The following CFAP61 variants were observed in gnomAD, a reference collection of about 807,000 sequenced individuals.
CFAP61 encodes the protein cilia- and flagella-associated protein 61.
In CFAP61, 107 loss-of-function variants were observed where a neutral mutation model predicts 135.6. The observed-to-expected ratio is 0.79, with a 90% CI of 0.67 to 0.93. The LOEUF is 0.93. CFAP61 is among the 40% of genes least tolerant of loss of function. The pLI is 0.00. For missense variants in CFAP61, 1,507 were observed against 1,556.2 expected, an observed-to-expected ratio of 0.97 and a Z score of 0.53; for synonymous variants, 575 against 578.5, an observed-to-expected ratio of 0.99 and a Z score of 0.09.
At chr20:20,190,589 C>T (rs1317209887) in intron 14 of CFAP61, among the ~76,000 whole-genome samples, 2 of 152,086 alleles carry the variant, frequency 1.3e-5, no homozygotes, top group South Asian at 4.1e-4. Flanking sequence ...ATACACCACA[C>T]ACACACACAC....
chr20:20,233,072 A>G (rs957770292), intron 18 of CFAP61: 4 of 152,272 alleles, frequency 2.6e-5, no homozygotes, highest in Admixed American at 1.3e-4. Flanking sequence ...TGGACCAAGC[A>G]GGGCATGTTT....
At chr20:20,269,160 C>CATATACATATATGTATAT (rs1385505756) in intron 21 of CFAP61, among the ~76,000 whole-genome samples, 2 of 102,328 alleles carry the variant, frequency 2.0e-5, no homozygotes. Flanking sequence ...CACACACACA[C>CATATACATATATGTATAT]ACACATACAT....
intron 18 of CFAP61, 38 bp downstream of exon 18, chr20:20,228,414 A>G: frequency 6.4e-7 from 1 of 1,551,388 alleles, no homozygotes; most frequent in Non-Finnish European, 8.9e-7. Flanking sequence ...TGGTTTTTAA[A>G]TAATAAAAAT....
chr20:20,060,461 T>C (rs1490803950), intron 2 of CFAP61, among the ~76,000 whole-genome samples: 1 of 152,194 alleles, frequency 6.6e-6, no homozygotes, highest in Non-Finnish European at 1.5e-5. Context: ...ACAATAATAT[T>C]GATAATGACT....
At chr20:20,272,930 C>T (rs1233326834) in intron 21 of CFAP61, among the ~76,000 whole-genome samples, 6 of 152,108 alleles carry the variant, frequency 3.9e-5, no homozygotes, top group Non-Finnish European at 7.3e-5. Flanking sequence ...TCCAACGTCA[C>T]GTTTACATCT....
At chr20:20,356,109 G>T in intron 26 of CFAP61, among the ~76,000 whole-genome samples, 1 of 15,516 alleles carries the variant, frequency 6.4e-5, no homozygotes, top group East Asian at 0.022. Flanking sequence ...AGGGGAGGTG[G>T]TCACACTGAG....
intron 22 of CFAP61, among the ~76,000 whole-genome samples, chr20:20,282,615 T>C (rs1392497973): frequency 1.3e-5 from 2 of 152,206 alleles, no homozygotes; most frequent in Non-Finnish European, 2.9e-5. Context: ...TGATTTCTAG[T>C]GTAATGCTGT....
chr20:20,058,837 A>C (rs557679373), intron 2 of CFAP61, among the ~76,000 whole-genome samples: 30 of 152,332 alleles, frequency 2.0e-4, no homozygotes, highest in Admixed American at 4.6e-4. Context: ...GACTCCAAAT[A>C]ATAACCCCAG....
intron 17 of CFAP61, among the ~76,000 whole-genome samples, chr20:20,204,658 G>T (rs2056781869): frequency 6.6e-6 from 1 of 152,156 alleles, no homozygotes; most frequent in African/African-American, 2.4e-5. Context: ...CACCGCCAGT[G>T]GTTAGACTTC....
intron 8 of CFAP61, among the ~76,000 whole-genome samples, chr20:20,107,986 A>G (rs1273074020): frequency 6.6e-6 from 1 of 152,206 alleles, no homozygotes; most frequent in Non-Finnish European, 1.5e-5. Flanking sequence ...TAAAGAGAAA[A>G]GCAAATCACA....
Position 20,108,471 on chromosome 20 carries a change from TAAG to T in CFAP61, c.859+9664_859+9666del, listed in dbSNP as rs373303117. On this transcript the variant is annotated intron_variant, in intron 8 of 26. Transcript: ENST00000245957. ...CCTTAGATAGATATGCAGAAGCCTTTAAGAAGAAGGTTACAAATAGTGAGGGGA... is the reference window on the plus strand; with the variant it reads ...CCTTAGATAGATATGCAGAAGCCTTTAAGAAGGTTACAAATAGTGAGGGGA... Among the ~76,000 whole-genome samples, 62 of 152,240 alleles carry T rather than the reference TAAG, an allele frequency of 4.1e-4. 1 individual carries two copies. In the South Asian group the frequency reaches 0.013, roughly 31 times the overall value.
chr20:20,078,995 T>C (rs983511756), intron 6 of CFAP61, among the ~76,000 whole-genome samples: 3 of 152,142 alleles, frequency 2.0e-5, no homozygotes, highest in Non-Finnish European at 4.4e-5. Context: ...ACAATTTAGA[T>C]AAAAATGGGC....
intron 8 of CFAP61, among the ~76,000 whole-genome samples, chr20:20,123,412 T>C (rs2049825285): frequency 6.6e-6 from 1 of 151,592 alleles, no homozygotes; most frequent in Non-Finnish European, 1.5e-5. Flanking sequence ...AGGTCTTAGA[T>C]TTAAGAGTTG....
rs371474647 is a variant in CFAP61 at position 20,075,564 on chromosome 20, A to T, written c.515A>T (p.His172Leu). 1 of 1,614,172 alleles carries T rather than the reference A, an allele frequency of 6.2e-7. No individual in the cohort carries two copies. The highest frequency in any genetic ancestry group is 1.7e-5 in the Admixed American group (1 of 60,020). Residue 172 changes from histidine to leucine, a missense_variant, in exon 6 of 27, where the codon CAT becomes CTT. Coordinates refer to ENST00000245957, the MANE Select transcript of CFAP61 (RefSeq NM_015585.4). Reference sequence around the variant, plus strand: ...ACGTATGAGGAAGACTTTGCAGTGCATATATGTCACAGGCACAGCCACTAT... The same window carrying T: ...ACGTATGAGGAAGACTTTGCAGTGCTTATATGTCACAGGCACAGCCACTAT... ...CLTYEEDFAVHICHRHSHYPQ... is the reference protein window; with the variant it reads ...CLTYEEDFAVLICHRHSHYPQ...
chr20:20,146,066 C>T (rs2051856295), intron 9 of CFAP61, among the ~76,000 whole-genome samples: 1 of 152,210 alleles, frequency 6.6e-6, no homozygotes, highest in South Asian at 2.1e-4. Flanking sequence ...ATGTGACACA[C>T]TGTGAACAAT....
At chr20:20,055,586 C>T (rs1467074875) in intron 1 of CFAP61, among the ~76,000 whole-genome samples, 1 of 152,148 alleles carries the variant, frequency 6.6e-6, no homozygotes, top group Non-Finnish European at 1.5e-5. Context: ...CGCTTTCTTT[C>T]TTCTTTTCTT....
chr20:20,181,518 G>A (rs199909595), intron 13 of CFAP61, among the ~76,000 whole-genome samples: 1 of 152,128 alleles, frequency 6.6e-6, no homozygotes, highest in East Asian at 1.9e-4. Context: ...GAGGACTCAA[G>A]AAGGGGCCAC....
intron 8 of CFAP61, among the ~76,000 whole-genome samples, chr20:20,128,453 A>G (rs1246105179): frequency 2.0e-5 from 3 of 151,632 alleles, no homozygotes; most frequent in Admixed American, 6.6e-5. Context: ...ACAGACCTCC[A>G]GTTTCTGCAG....
rs2056332081 is a variant in CFAP61 at position 20,196,904 on chromosome 20, G to A, written c.1797+128G>A. 2 of 808,940 alleles carry A rather than the reference G, an allele frequency of 2.5e-6. 1 individual carries two copies. The allele number at this position is 808,940 out of a possible 1,614,324, so 50.1% of individuals were successfully genotyped here. A position where few individuals can be genotyped will look rare whatever the true frequency, so the allele number is the denominator to read the frequency against. ...GATAACATGGGTCTGAATTTCCAAT[G>A]GCCATATTTAGTTTGGCCTTTTTCA... On this transcript the variant is annotated intron_variant, in intron 16 of 26. Coordinates refer to ENST00000245957, the MANE Select transcript of CFAP61 (RefSeq NM_015585.4).
Sources: gnomAD v4.1 joint callset for allele counts (sites outside exome capture counted in the v4.1 genomes callset) on GRCh38, gnomAD v4.1.1 for gene constraint, MANE v1.5 for transcripts, NCBI Gene and HGNC (gene_info 2026-07-23, HGNC 2026-07-21) for gene names.